Variants in CABLES1 observed in about 807,000 individuals in gnomAD.
The protein encoded by CABLES1 is CDK5 and ABL1 enzyme substrate 1.
A neutral mutation model predicts 57.8 loss-of-function variants in CABLES1; 36 were observed. That is an observed-to-expected ratio of 0.62 (90% CI 0.48 to 0.82). CABLES1 has a LOEUF of 0.82. CABLES1 is among the 40% of genes least tolerant of loss of function. The probability of loss-of-function intolerance (pLI) is 0.00; values close to 1 mark genes in which losing one functional copy is unlikely to be tolerated. For synonymous variants in CABLES1, 374 were observed against 363.0 expected (o/e 1.03, Z -0.35); for missense variants, 767 against 836.6 (o/e 0.92, Z 1.03).
intron 7 of CABLES1, among the ~76,000 whole-genome samples, chr18:23,249,493 C>T (rs572962387): frequency 1.9e-3 from 293 of 152,284 alleles, no homozygotes; most frequent in African/African-American, 6.6e-3. Context: ...GGTGCAGGTG[C>T]GAGGCCCCAC....
chr18:23,162,762 T>C (rs1366372965), intron 1 of CABLES1, among the ~76,000 whole-genome samples: 1 of 152,138 alleles, frequency 6.6e-6, no homozygotes, highest in Non-Finnish European at 1.5e-5. Flanking sequence ...TAGAGGTAAC[T>C]GCGACGTGTT....
At chr18:23,217,063 G>A (rs1188070950) in intron 4 of CABLES1, among the ~76,000 whole-genome samples, 2 of 152,046 alleles carry the variant, frequency 1.3e-5, no homozygotes, top group Admixed American at 1.3e-4. Flanking sequence ...GCACAAGAGG[G>A]ATTTTTTTGT....
intron 4 of CABLES1, among the ~76,000 whole-genome samples, chr18:23,217,077 G>GT (rs1253902642): frequency 6.6e-6 from 1 of 151,836 alleles, no homozygotes; most frequent in Non-Finnish European, 1.5e-5. Flanking sequence ...TTTTTGTTTT[G>GT]TTTTTTGTTT....
At chr18:23,149,898 A>G (rs2046915972) in intron 1 of CABLES1, 1 of 152,260 alleles carries the variant, frequency 6.6e-6, no homozygotes, top group African/African-American at 2.4e-5. Flanking sequence ...AACAGTGTCT[A>G]GTGCTCCAGA....
chr18:23,176,851 C>T (rs1368131497), intron 1 of CABLES1, among the ~76,000 whole-genome samples: 1 of 152,142 alleles, frequency 6.6e-6, no homozygotes, highest in African/African-American at 2.4e-5. Context: ...GAAGGTCATG[C>T]TGGACACCAA....
At chr18:23,185,631 C>A (rs1455759207) in intron 1 of CABLES1, among the ~76,000 whole-genome samples, 1 of 152,122 alleles carries the variant, frequency 6.6e-6, no homozygotes. Context: ...TGAAGGAGGG[C>A]AGCCTTCAGC....
At chr18:23,247,920 A>C (rs1233873684) in intron 7 of CABLES1, among the ~76,000 whole-genome samples, 2 of 152,232 alleles carry the variant, frequency 1.3e-5, no homozygotes, top group Non-Finnish European at 2.9e-5. Flanking sequence ...AGGGTCTCGC[A>C]GCATCTGCTC....
chr18:23,228,597 G>A (rs1015402768), intron 4 of CABLES1, among the ~76,000 whole-genome samples: 7 of 152,128 alleles, frequency 4.6e-5, no homozygotes, highest in African/African-American at 1.7e-4. Context: ...TTGCTTAACG[G>A]TATAACTGCT....
chr18:23,182,488 T>C (rs1422334775), intron 1 of CABLES1, among the ~76,000 whole-genome samples: 1 of 152,204 alleles, frequency 6.6e-6, no homozygotes, highest in Non-Finnish European at 1.5e-5. Flanking sequence ...TCAACTGTAC[T>C]TCTCACTAGA....
chr18:23,222,516 T>TTC lies in CABLES1; in HGVS notation c.1088+8476_1088+8477dup, dbSNP rs888041607. On this transcript the variant is annotated intron_variant, in intron 4 of 9. Coordinates refer to ENST00000256925, the MANE Select transcript of CABLES1 (RefSeq NM_001100619.3). Reference sequence around the variant, plus strand: ...TATGTTTATGAATATAGTGCTCACGTTCTCTCTCTCTCTCTGTCTCTCTCT... The same window carrying TTC: ...TATGTTTATGAATATAGTGCTCACGTTCTCTCTCTCTCTCTCTGTCTCTCTCT... Among the ~76,000 whole-genome samples the TTC allele has an allele frequency of 4.1e-5, 6 of 147,002 alleles. No homozygotes were observed. The South Asian group carries it at 6.4e-4, about 16-fold the overall frequency.
chr18:23,180,581 A>T (rs1396950438), intron 1 of CABLES1, among the ~76,000 whole-genome samples: 2 of 152,128 alleles, frequency 1.3e-5, no homozygotes, highest in Admixed American at 1.3e-4. Context: ...CAGTAATGCG[A>T]TCATAACTCA....
intron 1 of CABLES1, among the ~76,000 whole-genome samples, chr18:23,177,215 G>A (rs2047129855): frequency 6.6e-6 from 1 of 152,018 alleles, no homozygotes; most frequent in Non-Finnish European, 1.5e-5. Flanking sequence ...AAGCGAGACG[G>A]CTCCAGCACA....
chr18:23,150,207 G>GTTTTTTTGTTTTTT (rs1555658965), intron 1 of CABLES1, among the ~76,000 whole-genome samples: 21 of 106,660 alleles, frequency 2.0e-4, no homozygotes, highest in African/African-American at 8.6e-4. Flanking sequence ...GTTGGTGTTT[G>GTTTTTTTGTTTTTT]TTTTTTTTTT....
intron 1 of CABLES1, among the ~76,000 whole-genome samples, chr18:23,180,067 C>G (rs139615574): frequency 1.3e-3 from 196 of 152,158 alleles, no homozygotes; most frequent in African/African-American, 4.5e-3. Flanking sequence ...TACAGGCGCC[C>G]GCCACCACGC....
At chr18:23,180,696 ATATAGTTTTTC>A (rs969291727) in intron 1 of CABLES1, among the ~76,000 whole-genome samples, 21 of 152,252 alleles carry the variant, frequency 1.4e-4, no homozygotes, top group African/African-American at 4.8e-4. Context: ...TTGGGTTTAT[ATATAGTTTTTC>A]ATTTTAGGGC....
chr18:23,161,752 TCCA>T (rs1286388892), intron 1 of CABLES1, among the ~76,000 whole-genome samples: 1,424 of 23,392 alleles, frequency 0.061, 80 homozygotes, highest in African/African-American at 0.17. Context: ...CTACTAAAAA[TCCA>T]AAAAAAAAAA....
intron 1 of CABLES1, among the ~76,000 whole-genome samples, chr18:23,180,580 G>A (rs190706199): frequency 6.6e-6 from 1 of 152,112 alleles, no homozygotes; most frequent in Non-Finnish European, 1.5e-5. Flanking sequence ...GCAGTAATGC[G>A]ATCATAACTC....
At chr18:23,240,033 G>A (rs566766541) in intron 7 of CABLES1, among the ~76,000 whole-genome samples, 2 of 152,314 alleles carry the variant, frequency 1.3e-5, no homozygotes, top group African/African-American at 4.8e-5. Context: ...TGGGAGAATT[G>A]CTTGAACCCA....
intron 3 of CABLES1, 121 bp from the exon 4 acceptor site, chr18:23,213,856 G>A: frequency 1.6e-6 from 1 of 630,316 alleles, no homozygotes; most frequent in Middle Eastern, 4.0e-4. Flanking sequence ...CAGAGGAGGT[G>A]GTGGGAGCGT....
Sources: allele counts gnomAD v4.1 joint callset (sites outside exome capture counted in the v4.1 genomes callset), GRCh38; gene constraint gnomAD v4.1.1; transcripts MANE v1.5; gene names NCBI Gene and HGNC (gene_info 2026-07-23, HGNC 2026-07-21).